PAGE2B: variants seen among roughly 807,000 people sequenced by gnomAD.
The protein encoded by PAGE2B is putative G antigen family E member 3.
A neutral mutation model predicts 7.6 loss-of-function variants in PAGE2B; 5 were observed. The observed-to-expected ratio is 0.66, with a 90% confidence interval of 0.34 to 1.38. The LOEUF is 1.38. PAGE2B is among the 40% of genes most tolerant of loss of function. The probability of loss-of-function intolerance (pLI) is 0.04; values close to 1 mark genes in which losing one functional copy is unlikely to be tolerated. For missense variants in PAGE2B, 70 were observed against 78.4 expected, an observed-to-expected ratio of 0.89 and a Z score of 0.41; for synonymous variants, 29 against 26.7, an observed-to-expected ratio of 1.09 and a Z score of -0.27.
the PAGE2B span, among the ~76,000 whole-genome samples, chrX:55,065,259 G>C: frequency 1.8e-5 from 2 of 111,461 alleles, no homozygotes; most frequent in Non-Finnish European, 3.8e-5. Context: ...ATTTATAATT[G>C]CTATATCCTA....
chrX:55,038,338 A>G, the PAGE2B span, among the ~76,000 whole-genome samples: 2 of 112,232 alleles, frequency 1.8e-5, no homozygotes, highest in African/African-American at 3.2e-5. Context: ...CACCCATCCT[A>G]TATGAGTTGG....
the PAGE2B span, among the ~76,000 whole-genome samples, chrX:55,051,708 G>A: frequency 5.4e-5 from 6 of 111,163 alleles, no homozygotes; most frequent in African/African-American, 1.3e-4. Context: ...TTATCCAGTC[G>A]TCTAATTTTT....
chrX:55,040,181 TGTGCACAAC>T, the PAGE2B span, among the ~76,000 whole-genome samples: 1 of 110,271 alleles, frequency 9.1e-6, no homozygotes, highest in Non-Finnish European at 1.9e-5. Context: ...CTAGGGTACA[TGTGCACAAC>T]GTGCAACTTT....
upstream of PAGE2B, among the ~76,000 whole-genome samples, chrX:55,074,366 T>C (rs1428027722): frequency 1.8e-5 from 2 of 112,193 alleles, no homozygotes; most frequent in Non-Finnish European, 3.8e-5. Flanking sequence ...ATTTCAAATA[T>C]AATTTAAGCT....
chrX:55,062,331 G>A, the PAGE2B span, among the ~76,000 whole-genome samples: 1 of 111,409 alleles, frequency 9.0e-6, no homozygotes, highest in Non-Finnish European at 1.9e-5. Context: ...GCTTTAATAT[G>A]CATTTCTCTG....
chrX:55,041,864 G>T, the PAGE2B span, among the ~76,000 whole-genome samples: 1 of 111,644 alleles, frequency 9.0e-6, no homozygotes, highest in African/African-American at 3.3e-5. Flanking sequence ...AGCTGAAGGA[G>T]CTCAGACCCG....
At chrX:55,076,928 A>G (rs780649309) in intron 3 of PAGE2B, among the ~76,000 whole-genome samples, 51 of 111,720 alleles carry the variant, frequency 4.6e-4, no homozygotes, top group African/African-American at 1.5e-3. Flanking sequence ...GAGCTCCTGT[A>G]TGCTTTGTTC....
chrX:55,032,619 T>A, the PAGE2B span, among the ~76,000 whole-genome samples: 7 of 111,804 alleles, frequency 6.3e-5, no homozygotes, highest in East Asian at 2.0e-3. Context: ...TCATAGAACC[T>A]ACCCTATTGG....
chrX:55,061,238 T>C, the PAGE2B span, among the ~76,000 whole-genome samples: 2 of 111,099 alleles, frequency 1.8e-5, no homozygotes, highest in Admixed American at 9.6e-5. Context: ...TCTCTTTTCT[T>C]ATTCTTTGCA....
chrX:55,056,133 C>G, the PAGE2B span, among the ~76,000 whole-genome samples: 2 of 111,145 alleles, frequency 1.8e-5, no homozygotes, highest in Non-Finnish European at 3.8e-5. Flanking sequence ...GGGGGCATAT[C>G]CTTAGCTCTT....
the PAGE2B span, among the ~76,000 whole-genome samples, chrX:55,037,014 C>T: frequency 9.0e-6 from 1 of 111,159 alleles, no homozygotes; most frequent in Non-Finnish European, 1.9e-5. Flanking sequence ...GTCTAAAACA[C>T]CAAAAGCAAT....
chrX:55,043,400 C>T, the PAGE2B span, among the ~76,000 whole-genome samples: 9 of 110,987 alleles, frequency 8.1e-5, no homozygotes, highest in Non-Finnish European at 1.7e-4. Flanking sequence ...AGTAAATAGA[C>T]AATCCACAGA....
At chrX:55,053,437 T>G in the PAGE2B span, among the ~76,000 whole-genome samples, 1 of 111,829 alleles carries the variant, frequency 8.9e-6, no homozygotes, top group Non-Finnish European at 1.9e-5. Context: ...ACCCAGGTGA[T>G]GGGTTAATAG....
chrX:55,067,258 A>G, the PAGE2B span, among the ~76,000 whole-genome samples: 1 of 108,266 alleles, frequency 9.2e-6, no homozygotes, highest in Non-Finnish European at 1.9e-5. Flanking sequence ...CCCTGTGTCC[A>G]TGTGTTCTCA....
At chrX:55,057,078 C>A in the PAGE2B span, among the ~76,000 whole-genome samples, 1 of 111,459 alleles carries the variant, frequency 9.0e-6, no homozygotes. Flanking sequence ...TAATTTTACT[C>A]AACTTCACCA....
the PAGE2B span, among the ~76,000 whole-genome samples, chrX:55,051,571 A>T: frequency 2.7e-5 from 3 of 111,047 alleles, no homozygotes; most frequent in African/African-American, 9.8e-5. Flanking sequence ...ATCTTCCATC[A>T]CTGATACCCT....
chrX:55,048,530 A>C, the PAGE2B span, among the ~76,000 whole-genome samples: 5 of 111,628 alleles, frequency 4.5e-5, no homozygotes, highest in Non-Finnish European at 9.4e-5. Flanking sequence ...CATCCCTTGT[A>C]AGCTGGATTC....
At chrX:55,063,918 A>G in the PAGE2B span, among the ~76,000 whole-genome samples, 1 of 111,083 alleles carries the variant, frequency 9.0e-6, no homozygotes, top group Non-Finnish European at 1.9e-5. Context: ...CTTGGTCATG[A>G]TGAATGACTT....
chrX:55,034,087 A>T, the PAGE2B span, among the ~76,000 whole-genome samples: 1 of 111,992 alleles, frequency 8.9e-6, no homozygotes, highest in African/African-American at 3.2e-5. Flanking sequence ...GTGGGGATTA[A>T]GGAAGACATA....
Sources: allele counts gnomAD v4.1 joint callset (sites outside exome capture counted in the v4.1 genomes callset), GRCh38; gene constraint gnomAD v4.1.1; transcripts MANE v1.5; gene names NCBI Gene and HGNC (gene_info 2026-07-23, HGNC 2026-07-21).